UBE2E2: variants seen among roughly 807,000 people sequenced by gnomAD.
The protein encoded by UBE2E2 is ubiquitin conjugating enzyme E2 E2.
Under a neutral mutation model 24.7 loss-of-function variants are expected in UBE2E2, and 6 were observed. The observed-to-expected ratio is 0.24, with a 90% CI of 0.13 to 0.48. The LOEUF (loss-of-function observed/expected upper bound fraction) is 0.48. UBE2E2 is among the 20% of genes least tolerant of loss of function. The pLI is 0.99. For synonymous variants in UBE2E2, 104 were observed against 83.6 expected (o/e 1.24, Z -1.33); for missense variants, 169 against 245.0 (o/e 0.69, Z 2.07).
intron 2 of UBE2E2, among the ~76,000 whole-genome samples, chr3:23,209,148 A>G (rs1420311962): frequency 6.6e-6 from 1 of 152,182 alleles, no homozygotes; most frequent in Non-Finnish European, 1.5e-5. Context: ...CAGGGTGTGT[A>G]TGTAAAATTG....
At chr3:23,319,099 C>T (rs1694670997) in intron 3 of UBE2E2, among the ~76,000 whole-genome samples, 1 of 152,156 alleles carries the variant, frequency 6.6e-6, no homozygotes, top group Non-Finnish European at 1.5e-5. Flanking sequence ...AAAGTATTTA[C>T]AAACCATGAC....
intron 3 of UBE2E2, among the ~76,000 whole-genome samples, chr3:23,484,294 G>C: frequency 6.6e-6 from 1 of 152,194 alleles, no homozygotes. Context: ...AGGAGATGTA[G>C]TTCATGTCAG....
At chr3:23,381,491 A>G (rs1696670231) in intron 3 of UBE2E2, among the ~76,000 whole-genome samples, 1 of 152,168 alleles carries the variant, frequency 6.6e-6, no homozygotes, top group African/African-American at 2.4e-5. Flanking sequence ...TTTGTTTAGG[A>G]AAAAGCACTC....
intron 3 of UBE2E2, among the ~76,000 whole-genome samples, chr3:23,292,883 G>C (rs1347584638): frequency 6.6e-6 from 1 of 152,174 alleles, no homozygotes; most frequent in African/African-American, 2.4e-5. Context: ...AGACCAGCCT[G>C]ACCAACATGG....
intron 3 of UBE2E2, among the ~76,000 whole-genome samples, chr3:23,399,668 A>G (rs1023485100): frequency 4.6e-5 from 7 of 152,208 alleles, no homozygotes; most frequent in Non-Finnish European, 2.9e-5. Flanking sequence ...GAAATTGTGG[A>G]TAAGGGAAGG....
At chr3:23,316,630 G>C (rs995970110) in intron 3 of UBE2E2, among the ~76,000 whole-genome samples, 2 of 151,560 alleles carry the variant, frequency 1.3e-5, no homozygotes, top group Admixed American at 1.3e-4. Context: ...ACAAGACAAA[G>C]TACCCTTAAT....
At position 23,590,575 on chromosome 3, in the gene UBE2E2, A is replaced by G. The variant is rs1696738477; in HGVS notation, c.*744A>G. The G allele has an allele frequency of 6.5e-6, 1 of 152,676 alleles. No homozygotes were observed. 9.5% of individuals were successfully genotyped at this position (152,676 alleles called of 1,614,324 possible). ...ACTCAATAAATCACTGTGGCTGATA[A>G]CTGCACTTCTGGTAACCCGACATTT... is the stretch of plus-strand genomic sequence containing the variant. On this transcript the variant is annotated 3_prime_UTR_variant, in exon 6 of 6. Coordinates refer to ENST00000396703, the MANE Select transcript of UBE2E2 (RefSeq NM_152653.4).
intron 3 of UBE2E2, among the ~76,000 whole-genome samples, chr3:23,299,497 TG>T (rs558350863): frequency 0.074 from 11,267 of 152,176 alleles, 525 homozygotes; most frequent in Non-Finnish European, 0.092. Flanking sequence ...TTGTTCTCGT[TG>T]GTTTCAAAGA....
At chr3:23,318,542 C>G (rs983639442) in intron 3 of UBE2E2, among the ~76,000 whole-genome samples, 1 of 152,132 alleles carries the variant, frequency 6.6e-6, no homozygotes, top group Non-Finnish European at 1.5e-5. Flanking sequence ...ACTCACAGTT[C>G]CACGTGGCTG....
intron 3 of UBE2E2, among the ~76,000 whole-genome samples, chr3:23,287,859 T>C (rs1698661057): frequency 6.6e-6 from 1 of 151,836 alleles, no homozygotes; most frequent in South Asian, 2.1e-4. Flanking sequence ...GACTTGTCAA[T>C]TTTCTTTCTC....
chr3:23,211,582 A>C (rs1176306121), intron 2 of UBE2E2, among the ~76,000 whole-genome samples: 1 of 151,792 alleles, frequency 6.6e-6, no homozygotes, highest in African/African-American at 2.4e-5. Flanking sequence ...TTTTGTAGGG[A>C]TGGGAGTCTC....
At chr3:23,351,936 T>C (rs954624395) in intron 3 of UBE2E2, among the ~76,000 whole-genome samples, 3 of 152,182 alleles carry the variant, frequency 2.0e-5, no homozygotes, top group African/African-American at 7.2e-5. Flanking sequence ...ATACATTTTT[T>C]TCAGCACCAC....
chr3:23,427,867 G>A (rs535050492), intron 3 of UBE2E2, among the ~76,000 whole-genome samples: 156 of 152,302 alleles, frequency 1.0e-3, no homozygotes, highest in Non-Finnish European at 1.6e-3. Context: ...TCAAGAAGAC[G>A]TAGCAATCCT....
rs1696526770 is a variant in UBE2E2 at position 23,583,140 on chromosome 3, T to C, written c.509-6594T>C. Among the ~76,000 whole-genome samples the C allele has an allele frequency of 6.6e-6, 1 of 152,210 alleles. No individual in the cohort carries two copies. The highest frequency in any genetic ancestry group is 1.5e-5 in the Non-Finnish European group (1 of 68,040). On this transcript the variant is annotated intron_variant, in intron 5 of 5. Coordinates refer to ENST00000396703, the MANE Select transcript of UBE2E2 (RefSeq NM_152653.4). This position sits in a 1 kb window ranked among gnomAD's most constrained non-coding sequence, Gnocchi z 4.1. The stretch of plus-strand genomic sequence containing the variant: ...AGGAAGGGGTCCAATTTCAATCTTC[T>C]GCATATGGCTAGCCAGTTAGCCCAG...
chr3:23,342,828 AT>A (rs571994981), intron 3 of UBE2E2, among the ~76,000 whole-genome samples: 21 of 151,490 alleles, frequency 1.4e-4, no homozygotes, highest in Admixed American at 1.1e-3. Flanking sequence ...AAACTTTTAT[AT>A]TTTTTTTTCT....
chr3:23,525,177 C>T (rs540571381), intron 4 of UBE2E2, among the ~76,000 whole-genome samples: 1 of 152,224 alleles, frequency 6.6e-6, no homozygotes, highest in South Asian at 2.1e-4. Context: ...TCTTAAAGTA[C>T]CCTTGAAATT....
chr3:23,564,265 A>G (rs1365646382), intron 5 of UBE2E2, among the ~76,000 whole-genome samples: 1 of 152,166 alleles, frequency 6.6e-6, no homozygotes, highest in Non-Finnish European at 1.5e-5. Context: ...CATGATCAAT[A>G]TGCAAATATA....
intron 3 of UBE2E2, among the ~76,000 whole-genome samples, chr3:23,231,681 A>T (rs1376743712): frequency 6.6e-6 from 1 of 152,174 alleles, no homozygotes; most frequent in Admixed American, 6.5e-5. Flanking sequence ...CCTACCAGTC[A>T]CAAGTCCAGG....
chr3:23,445,558 G>C (rs538314296), intron 3 of UBE2E2, among the ~76,000 whole-genome samples: 123 of 152,296 alleles, frequency 8.1e-4, no homozygotes, highest in Admixed American at 1.4e-3. Context: ...CTTTAGGTCT[G>C]CTCCTGAATA....
Sources: gnomAD v4.1 joint callset for allele counts (sites outside exome capture counted in the v4.1 genomes callset) on GRCh38, gnomAD v4.1.1 for gene constraint, Gnocchi (gnomAD v3.1) non-coding constraint, MANE v1.5 for transcripts, NCBI Gene and HGNC (gene_info 2026-07-23, HGNC 2026-07-21) for gene names.